The following RSPH14 variants were observed in gnomAD, a reference collection of about 807,000 sequenced individuals.
The protein encoded by RSPH14 is rhabdoid tumor deletion region gene 1.
RSPH14 carries 20 observed loss-of-function variants against 26.7 expected under a neutral mutation model. The ratio of observed to expected loss-of-function variants is 0.75; its 90% confidence interval spans 0.53 to 1.09. RSPH14 has a LOEUF of 1.09. Among genes scored for constraint, RSPH14 ranks in the 50% least tolerant of loss-of-function variants. The pLI, the probability that RSPH14 is intolerant of heterozygous loss-of-function variation, is 0.00. For missense variants in RSPH14, 449 were observed against 457.2 expected (o/e 0.98, Z 0.16); for synonymous variants, 177 against 189.3 (o/e 0.93, Z 0.53).
chr22:23,177,311 GA>G, the RSPH14 span, among the ~76,000 whole-genome samples: 1 of 151,754 alleles, frequency 6.6e-6, no homozygotes, highest in Non-Finnish European at 1.5e-5. Context: ...GCCGGGCTGT[GA>G]ATGCCTTATC....
At chr22:23,127,170 A>G (rs1474118760) in intron 4 of RSPH14, among the ~76,000 whole-genome samples, 2 of 152,204 alleles carry the variant, frequency 1.3e-5, no homozygotes, top group Admixed American at 6.5e-5. Context: ...CAAATGGTCC[A>G]TCTGGCTCAG....
the RSPH14 span, among the ~76,000 whole-genome samples, chr22:23,173,355 C>T: frequency 2.0e-5 from 3 of 152,060 alleles, no homozygotes; most frequent in East Asian, 1.9e-4. Context: ...AGGATGATCT[C>T]GATCTCCTGA....
intron 4 of RSPH14, among the ~76,000 whole-genome samples, chr22:23,094,335 C>T (rs1163099354): frequency 2.0e-5 from 3 of 152,008 alleles, no homozygotes; most frequent in African/African-American, 4.8e-5. Flanking sequence ...CCTAAGCACC[C>T]GGCAAAGTCA....
At chr22:23,153,653 C>T in the RSPH14 span, 719 of 928,916 alleles carry the variant, frequency 7.7e-4, 5 homozygotes, top group African/African-American at 0.012. Flanking sequence ...CTGCAGCCTT[C>T]ACTCCCTCTC....
upstream of RSPH14, chr22:23,142,112 G>T: frequency 1.2e-6 from 1 of 848,156 alleles, no homozygotes; most frequent in Non-Finnish European, 1.4e-6. Context: ...GCTGCGGCCG[G>T]CTGCAAAGCG....
chr22:23,097,142 C>T (rs2069147711), intron 4 of RSPH14, among the ~76,000 whole-genome samples: 2 of 152,174 alleles, frequency 1.3e-5, no homozygotes, highest in Non-Finnish European at 2.9e-5. Context: ...GATTTCAAGT[C>T]TGCCCTTAAG....
chr22:23,113,744 T>C (rs894988016), intron 4 of RSPH14, among the ~76,000 whole-genome samples: 3 of 152,098 alleles, frequency 2.0e-5, no homozygotes, highest in Admixed American at 1.3e-4. Context: ...ACTAGAGAAG[T>C]CTGGGAATGC....
the RSPH14 span, among the ~76,000 whole-genome samples, chr22:23,167,636 T>G: frequency 3.9e-5 from 6 of 152,356 alleles, no homozygotes; most frequent in East Asian, 1.2e-3. Context: ...TCTAGGTAAC[T>G]GAATACTGAA....
chr22:23,060,199 C>A (rs534489966), intron 6 of RSPH14, among the ~76,000 whole-genome samples: 1 of 152,076 alleles, frequency 6.6e-6, no homozygotes, highest in Non-Finnish European at 1.5e-5. Context: ...CAGCTGGGCG[C>A]GGTGGCTCAC....
At chr22:23,135,417 G>C (rs1021124279) in intron 3 of RSPH14, among the ~76,000 whole-genome samples, 1 of 151,260 alleles carries the variant, frequency 6.6e-6, no homozygotes, top group African/African-American at 2.4e-5. Flanking sequence ...GTGTGAACCC[G>C]GGAGGTGGAG....
chr22:23,090,940 G>C (rs773603929), intron 4 of RSPH14, among the ~76,000 whole-genome samples: 1 of 152,190 alleles, frequency 6.6e-6, no homozygotes, highest in Non-Finnish European at 1.5e-5. Flanking sequence ...GGTTTAGCAA[G>C]TAAGTGTGGG....
the RSPH14 span, among the ~76,000 whole-genome samples, chr22:23,169,425 CAG>C: frequency 1.1e-4 from 17 of 152,190 alleles, no homozygotes; most frequent in South Asian, 2.1e-4. Flanking sequence ...TGGGTGGGGA[CAG>C]GGGTGGAGAC....
intron 3 of RSPH14, 61 bp downstream of exon 3, chr22:23,138,779 T>A (rs943371557): frequency 1.0e-5 from 14 of 1,399,416 alleles, no homozygotes; most frequent in Non-Finnish European, 1.3e-5. Context: ...CTCAAGTGCA[T>A]CCACCCAGGG....
chr22:23,065,520 A>C, intron 4 of RSPH14, among the ~76,000 whole-genome samples: 1 of 122,794 alleles, frequency 8.1e-6, no homozygotes, highest in Non-Finnish European at 1.6e-5. Context: ...TTTTTATTTA[A>C]TATGCACAGA....
chr22:23,105,660 A>G (rs2069448293), intron 4 of RSPH14, among the ~76,000 whole-genome samples: 1 of 152,206 alleles, frequency 6.6e-6, no homozygotes, highest in African/African-American at 2.4e-5. Flanking sequence ...TCGCATGGTG[A>G]TGGCGTGCAA....
At chr22:23,180,349 C>T in the RSPH14 span, 1 of 161,540 alleles carries the variant, frequency 6.2e-6, no homozygotes, top group Non-Finnish European at 1.3e-5. Context: ...CTCAGTTTCC[C>T]AAAAGGCACA....
intron 4 of RSPH14, among the ~76,000 whole-genome samples, chr22:23,079,400 C>G (rs2068608292): frequency 6.6e-6 from 1 of 152,052 alleles, no homozygotes; most frequent in African/African-American, 2.4e-5. Context: ...GTGCACAGGC[C>G]CTGAGTTAAG....
At chr22:23,079,455 G>T (rs923596363) in intron 4 of RSPH14, among the ~76,000 whole-genome samples, 4 of 152,300 alleles carry the variant, frequency 2.6e-5, no homozygotes, top group African/African-American at 9.6e-5. Context: ...AGCATGGCAG[G>T]AGTGGGGGAG....
At chr22:23,082,533 T>C (rs1056155229) in intron 4 of RSPH14, among the ~76,000 whole-genome samples, 9 of 152,044 alleles carry the variant, frequency 5.9e-5, no homozygotes, top group Non-Finnish European at 1.2e-4. Flanking sequence ...TGTGTTTTTT[T>C]GTTTATTTTT....
Sources: allele counts gnomAD v4.1 joint callset (sites outside exome capture counted in the v4.1 genomes callset), GRCh38; gene constraint gnomAD v4.1.1; transcripts MANE v1.5; gene names NCBI Gene and HGNC (gene_info 2026-07-23, HGNC 2026-07-21).